The following CRADD variants were observed in gnomAD, a reference collection of about 807,000 sequenced individuals.
CRADD encodes CARD and death domain containing adaptor protein.
A neutral mutation model predicts 15.5 loss-of-function variants in CRADD; 9 were observed. The ratio of observed to expected loss-of-function variants is 0.58; its 90% CI spans 0.35 to 1.01. The LOEUF (loss-of-function observed/expected upper bound fraction) is 1.01, where lower values mean the gene tolerates loss of function less well. Ranked by LOEUF, CRADD falls within the 50% of genes least tolerant of loss-of-function variation. The pLI, the probability that CRADD is intolerant of heterozygous loss-of-function variation, is 0.02. For synonymous variants in CRADD, 118 were observed against 107.6 expected, an observed-to-expected ratio of 1.10 and a Z score of -0.60; for missense variants, 227 against 250.3, an observed-to-expected ratio of 0.91 and a Z score of 0.63.
At chr12:93,778,927 G>T (rs926269349) in intron 2 of CRADD, among the ~76,000 whole-genome samples, 1 of 152,124 alleles carries the variant, frequency 6.6e-6, no homozygotes, top group Non-Finnish European at 1.5e-5. Flanking sequence ...TCCTTTGCCA[G>T]CCCCTTTAGA....
chr12:93,853,742 T>C (rs1016384427), downstream of CRADD, among the ~76,000 whole-genome samples: 18 of 152,200 alleles, frequency 1.2e-4, no homozygotes, highest in African/African-American at 4.1e-4. Context: ...AGAGTACGTG[T>C]TCTGGGAGGG....
At chr12:93,775,563 G>C (rs1957132136) in intron 2 of CRADD, among the ~76,000 whole-genome samples, 1 of 122,684 alleles carries the variant, frequency 8.2e-6, no homozygotes, top group Non-Finnish European at 1.7e-5. Flanking sequence ...CTGGTGTAGA[G>C]GATTTTTGGA....
chr12:93,879,367 A>G (rs1958479268), intron 2 of CRADD, among the ~76,000 whole-genome samples: 1 of 152,056 alleles, frequency 6.6e-6, no homozygotes, highest in African/African-American at 2.4e-5. Flanking sequence ...TTAATTCTCT[A>G]CTCATTCAGC....
chr12:93,697,206 A>G (rs1955729001), intron 2 of CRADD, among the ~76,000 whole-genome samples: 2 of 152,146 alleles, frequency 1.3e-5, no homozygotes, highest in African/African-American at 4.8e-5. Flanking sequence ...AAGGGGTGGT[A>G]ATAGGGGGTG....
chr12:93,765,761 A>G (rs1221574126), intron 2 of CRADD, among the ~76,000 whole-genome samples: 1 of 152,088 alleles, frequency 6.6e-6, no homozygotes, highest in Admixed American at 6.5e-5. Context: ...GTCTTCTGTT[A>G]GCATTCTTTG....
intron 2 of CRADD, among the ~76,000 whole-genome samples, chr12:93,729,342 A>G (rs1956423370): frequency 1.3e-5 from 2 of 152,256 alleles, no homozygotes; most frequent in Admixed American, 1.3e-4. Context: ...CCTACTTAAT[A>G]GCAATATTGT....
intron 2 of CRADD, among the ~76,000 whole-genome samples, chr12:93,856,814 C>CT (rs1306389961): frequency 1.3e-5 from 2 of 152,114 alleles, no homozygotes; most frequent in Non-Finnish European, 2.9e-5. Context: ...TTTTGGGGTT[C>CT]TTTTTTATGA....
chr12:93,679,046 A>G lies in CRADD; in HGVS notation c.272A>G (p.Glu91Gly), dbSNP rs375645824. The G allele has an allele frequency of 2.1e-5, 34 of 1,613,962 alleles. No individual in the cohort carries two copies. The highest frequency in any genetic ancestry group is 2.8e-5 in the Non-Finnish European group (33 of 1,179,934). ...AGGGAGAAGCTGAAGAAGGCAAGGG[A>G]AGAGGCCATGACCGACCTGCCTGCA... ...WVREKLKKAR[E>G]EAMTDLPAGD... The change falls in exon 2 of 3, where the codon GAA (glutamate) becomes GGA (glycine). Residue 91 changes from glutamate (E) to glycine (G), a missense_variant. Physicochemically the swap from Glu to Gly is moderately conservative, Grantham distance 98. Coordinates refer to ENST00000332896, the MANE Select transcript of CRADD (RefSeq NM_003805.5).
intron 2 of CRADD, among the ~76,000 whole-genome samples, chr12:93,892,043 A>G (rs1032938034): frequency 6.6e-6 from 1 of 152,228 alleles, no homozygotes; most frequent in Non-Finnish European, 1.5e-5. Flanking sequence ...TAGACAGGTG[A>G]GTATTAAGCC....
chr12:93,794,090 T>G (rs1021614472), intron 2 of CRADD, among the ~76,000 whole-genome samples: 1 of 152,194 alleles, frequency 6.6e-6, no homozygotes, highest in Non-Finnish European at 1.5e-5. Context: ...AATAGGTCAC[T>G]TTTTGTTTCT....
intron 2 of CRADD, among the ~76,000 whole-genome samples, chr12:93,860,920 A>G (rs1475482609): frequency 6.6e-6 from 1 of 152,180 alleles, no homozygotes; most frequent in East Asian, 1.9e-4. Flanking sequence ...TGCTTCCATG[A>G]GCACCTTATA....
chr12:93,769,309 T>G (rs1040803581), intron 2 of CRADD, among the ~76,000 whole-genome samples: 2 of 152,088 alleles, frequency 1.3e-5, no homozygotes, highest in African/African-American at 4.8e-5. Flanking sequence ...GTTTCGAACT[T>G]CTGGGCTCAA....
At chr12:93,731,330 A>G (rs1280699613) in intron 2 of CRADD, among the ~76,000 whole-genome samples, 3 of 152,250 alleles carry the variant, frequency 2.0e-5, no homozygotes, top group Non-Finnish European at 4.4e-5. Context: ...AAGATTAAGC[A>G]CAGAATTTGG....
chr12:93,814,085 T>A (rs1325086130), intron 2 of CRADD, among the ~76,000 whole-genome samples: 2 of 152,236 alleles, frequency 1.3e-5, no homozygotes, highest in African/African-American at 2.4e-5. Flanking sequence ...CTCAGCTGCC[T>A]GCCAATTCTC....
At chr12:93,793,644 A>G (rs1350367190) in intron 2 of CRADD, among the ~76,000 whole-genome samples, 4 of 152,222 alleles carry the variant, frequency 2.6e-5, no homozygotes, top group Non-Finnish European at 2.9e-5. Flanking sequence ...GTTCCTTACA[A>G]TGATGTCTGG....
chr12:93,892,903 T>C (rs1345633533), intron 2 of CRADD, among the ~76,000 whole-genome samples: 3 of 152,188 alleles, frequency 2.0e-5, no homozygotes, highest in African/African-American at 7.2e-5. Flanking sequence ...AAGCTGTTTT[T>C]GTTTTCCTTG....
rs143670168 is a variant in CRADD at position 93,808,908 on chromosome 12, T to A, written c.299-41062T>A. Among the ~76,000 whole-genome samples the A allele has an allele frequency of 1.1e-4, 17 of 151,708 alleles. 1 individual carries two copies. The East Asian group carries it at 3.3e-3, about 30-fold the overall frequency. The stretch of plus-strand genomic sequence containing the variant: ...TTTATTATAAACATTTTTGTGAAAT[T>A]TGACTTCTTTTTTTCTTTTTTTTGA... On this transcript the variant is annotated intron_variant, in intron 2 of 2. Coordinates refer to ENST00000332896, the MANE Select transcript of CRADD (RefSeq NM_003805.5).
downstream of CRADD, among the ~76,000 whole-genome samples, chr12:93,854,964 CG>C (rs1958260436): frequency 6.6e-6 from 1 of 152,076 alleles, no homozygotes; most frequent in Non-Finnish European, 1.5e-5. Context: ...GAGGCTGAGG[CG>C]GGCGGATCAC....
intron 2 of CRADD, among the ~76,000 whole-genome samples, chr12:93,768,952 T>C (rs1957054421): frequency 6.6e-6 from 1 of 152,220 alleles, no homozygotes. Context: ...TTACTCAATA[T>C]TTGTTTGTGA....
Sources: gnomAD v4.1 joint callset for allele counts (sites outside exome capture counted in the v4.1 genomes callset) on GRCh38, gnomAD v4.1.1 for gene constraint, MANE v1.5 for transcripts, NCBI Gene and HGNC (gene_info 2026-07-23, HGNC 2026-07-21) for gene names.